BMPR1B: variants seen among roughly 807,000 people sequenced by gnomAD.
BMPR1B encodes the protein bone morphogenetic protein receptor type-1B.
A neutral mutation model predicts 59.1 loss-of-function variants in BMPR1B; 12 were observed. The ratio of observed to expected loss-of-function variants is 0.20; its 90% confidence interval spans 0.13 to 0.33. BMPR1B has a LOEUF of 0.33. Among genes scored for constraint, BMPR1B ranks in the 10% least tolerant of loss-of-function variants. The probability of loss-of-function intolerance (pLI) is 1.00; values close to 1 mark genes in which losing one functional copy is unlikely to be tolerated. For missense variants in BMPR1B, 550 were observed against 610.9 expected, an observed-to-expected ratio of 0.90 and a Z score of 1.05; for synonymous variants, 237 against 207.3, an observed-to-expected ratio of 1.14 and a Z score of -1.23.
chr4:95,139,331 A>G (rs1461167172), intron 10 of BMPR1B, among the ~76,000 whole-genome samples: 1 of 152,128 alleles, frequency 6.6e-6, no homozygotes, highest in Non-Finnish European at 1.5e-5. Context: ...CCCTACTGGG[A>G]GGTGCCTCCC....
At chr4:94,758,554 C>T (rs923749104) in intron 1 of BMPR1B, among the ~76,000 whole-genome samples, 3 of 152,028 alleles carry the variant, frequency 2.0e-5, no homozygotes, top group Non-Finnish European at 4.4e-5. Flanking sequence ...CCAGCCCAGG[C>T]GGGACCCGCA....
intron 1 of BMPR1B, among the ~76,000 whole-genome samples, chr4:94,815,457 A>C (rs1723976324): frequency 1.3e-5 from 2 of 152,208 alleles, no homozygotes; most frequent in Non-Finnish European, 2.9e-5. Flanking sequence ...TAAAAGTGGA[A>C]TTACTAGGAA....
chr4:94,863,337 TAAAAG>T (rs145663055), intron 1 of BMPR1B, among the ~76,000 whole-genome samples: 18,180 of 152,058 alleles, frequency 0.12, 1,106 homozygotes, highest in Non-Finnish European at 0.14. Flanking sequence ...AAATAAAAGT[TAAAAG>T]GAAGTTTGTG....
chr4:94,887,127 CA>C (rs1727199940), intron 2 of BMPR1B, among the ~76,000 whole-genome samples: 1 of 151,350 alleles, frequency 6.6e-6, no homozygotes, highest in Non-Finnish European at 1.5e-5. Flanking sequence ...TTCTGTAAAA[CA>C]AAGGAGAACC....
At chr4:95,096,776 T>A (rs1243504482) in intron 3 of BMPR1B, among the ~76,000 whole-genome samples, 9 of 137,926 alleles carry the variant, frequency 6.5e-5, no homozygotes, top group South Asian at 4.4e-4. Flanking sequence ...TATGTATAGT[T>A]ATATATAACT....
chr4:94,941,690 AT>A (rs1229589276), intron 2 of BMPR1B, among the ~76,000 whole-genome samples: 1 of 151,846 alleles, frequency 6.6e-6, no homozygotes, highest in African/African-American at 2.4e-5. Context: ...GTAATGATTC[AT>A]TTTTTTTCTG....
chr4:94,989,478 T>G lies in BMPR1B; in HGVS notation c.-112-6562T>G, dbSNP rs186768212. 4.5e-4 allele frequency among the ~76,000 whole-genome samples: 69 copies of G among 152,202 alleles called. 2 individuals carry two copies. The Middle Eastern group carries it at 0.027, about 60-fold the overall frequency. ...TCAAGGAAGCATTAAATTAAAGCAT[T>G]AATGTAACAGGATTACAATTTCAGT... On this transcript the variant is annotated intron_variant, in intron 2 of 12. Transcript: ENST00000515059.
chr4:94,867,058 ACTTAT>A (rs1449278079), intron 1 of BMPR1B, among the ~76,000 whole-genome samples: 1 of 150,976 alleles, frequency 6.6e-6, no homozygotes, highest in African/African-American at 2.5e-5. Flanking sequence ...AACATTTTTC[ACTTAT>A]CTTCTCTTAT....
chr4:95,048,005 TG>T (rs1226104267), intron 3 of BMPR1B, among the ~76,000 whole-genome samples: 1 of 152,170 alleles, frequency 6.6e-6, no homozygotes, highest in African/African-American at 2.4e-5. Context: ...TTTATGTCCA[TG>T]TGTACCTAAT....
chr4:94,962,072 TTTCCTTCCTTCC>T (rs199574448), intron 2 of BMPR1B, among the ~76,000 whole-genome samples: 11,500 of 117,744 alleles, frequency 0.098, 579 homozygotes, highest in Middle Eastern at 0.12. Context: ...CTTTCTTTTC[TTTCCTTCCTTCC>T]TTCCTTCCTT....
At chr4:94,810,654 C>T (rs1723776403) in intron 1 of BMPR1B, among the ~76,000 whole-genome samples, 1 of 152,148 alleles carries the variant, frequency 6.6e-6, no homozygotes, top group Non-Finnish European at 1.5e-5. Context: ...GGTCTCAAAA[C>T]ATCCAAAATA....
intron 2 of BMPR1B, among the ~76,000 whole-genome samples, chr4:94,967,211 T>C (rs1294253803): frequency 6.6e-6 from 1 of 152,222 alleles, no homozygotes; most frequent in East Asian, 1.9e-4. Context: ...AAACCTTTTG[T>C]GCACTCTCCA....
intron 2 of BMPR1B, among the ~76,000 whole-genome samples, chr4:94,918,736 A>G (rs1238358621): frequency 6.6e-6 from 1 of 151,924 alleles, no homozygotes; most frequent in Non-Finnish European, 1.5e-5. Context: ...TTTGAACTCA[A>G]TCTGCTGAGT....
At chr4:94,917,188 G>GT (rs1391016481) in intron 2 of BMPR1B, among the ~76,000 whole-genome samples, 1 of 152,236 alleles carries the variant, frequency 6.6e-6, no homozygotes. Flanking sequence ...GAGAACCACT[G>GT]TTAGGATGGT....
At chr4:95,026,209 A>G (rs1037178879) in intron 3 of BMPR1B, among the ~76,000 whole-genome samples, 3 of 142,440 alleles carry the variant, frequency 2.1e-5, no homozygotes, top group Admixed American at 7.5e-5. Context: ...TTATGTGGAG[A>G]CTTATTATCT....
chr4:95,048,593 G>A (rs191184070), intron 3 of BMPR1B, among the ~76,000 whole-genome samples: 16 of 152,190 alleles, frequency 1.1e-4, no homozygotes, highest in Admixed American at 5.2e-4. Flanking sequence ...CCTTTTGTAT[G>A]TCTTCTTTTG....
In BMPR1B at chr4:95,074,577, C is replaced by T. The variant is rs529201900; in HGVS notation, c.-17-29831C>T. On this transcript the variant is annotated intron_variant, in intron 3 of 12. Coordinates refer to ENST00000515059, the MANE Select transcript of BMPR1B (RefSeq NM_001203.3). ...TGAAGACCCCAAGGCCCTGTCCTAC[C>T]ACTTCCAGCTACCTTGGACTGCAGC... 9.9e-5 allele frequency among the ~76,000 whole-genome samples: 15 copies of T among 152,118 alleles called. No homozygotes were observed. The South Asian group carries it at 3.1e-3, about 32-fold the overall frequency.
chr4:94,820,443 C>A (rs1366725726), intron 1 of BMPR1B, among the ~76,000 whole-genome samples: 4 of 152,188 alleles, frequency 2.6e-5, no homozygotes, highest in African/African-American at 9.7e-5. Flanking sequence ...ACTGTAAACT[C>A]TGGGAGGGCA....
intron 1 of BMPR1B, among the ~76,000 whole-genome samples, chr4:94,822,130 A>G (rs1192682381): frequency 2.0e-5 from 3 of 152,236 alleles, no homozygotes; most frequent in Non-Finnish European, 2.9e-5. Context: ...TTGCTGTGTC[A>G]TCTCATGGTG....
Sources: gnomAD v4.1 joint callset for allele counts (sites outside exome capture counted in the v4.1 genomes callset) on GRCh38, gnomAD v4.1.1 for gene constraint, MANE v1.5 for transcripts, NCBI Gene and HGNC (gene_info 2026-07-23, HGNC 2026-07-21) for gene names.